Variants in ABCA9 observed in about 807,000 individuals in gnomAD.
ABCA9 encodes ATP-binding cassette sub-family A member 9.
ABCA9 carries 183 observed loss-of-function variants against 205.3 expected under a neutral mutation model. The observed-to-expected ratio is 0.89, with a 90% CI of 0.79 to 1.01. The LOEUF (loss-of-function observed/expected upper bound fraction) is 1.01, where lower values mean the gene tolerates loss of function less well. Among genes scored for constraint, ABCA9 ranks in the 50% least tolerant of loss-of-function variants. The pLI is 0.00. For missense variants in ABCA9, 1,805 were observed against 1,912.4 expected, an observed-to-expected ratio of 0.94 and a Z score of 1.05; for synonymous variants, 651 against 683.3, an observed-to-expected ratio of 0.95 and a Z score of 0.74.
intron 12 of ABCA9, among the ~76,000 whole-genome samples, 154 bp downstream of exon 12, chr17:69,028,381 G>A (rs1378521708): frequency 6.6e-6 from 1 of 152,100 alleles, no homozygotes; most frequent in Non-Finnish European, 1.5e-5. Context: ...TGGCCAGGAT[G>A]GTCTCCATCT....
At position 69,026,446 on chromosome 17, in the gene ABCA9, T is replaced by C. The variant is rs2070988704; in HGVS notation, c.2072A>G (p.Asn691Ser). The C allele has an allele frequency of 1.2e-6, 2 of 1,613,724 alleles. No homozygotes were observed. ...ILADRKVFIS[N>S]GKLKCAGSSL... The stretch of plus-strand genomic sequence containing the variant: ...AGAGCCTGCACACTTCAGCTTCCCA[T>C]TGGATATGAACACCTTCCTGTCTAG... Residue 691 changes from asparagine (N) to serine (S), a missense_variant, in exon 16 of 39, where the codon AAT becomes AGT. Physicochemically the swap from Asn to Ser is conservative, Grantham distance 46. Coordinates refer to ENST00000340001, the MANE Select transcript of ABCA9 (RefSeq NM_080283.4).
At position 69,011,966 on chromosome 17, in the gene ABCA9, C is replaced by T; in HGVS notation, c.3147+10G>A. The T allele has an allele frequency of 6.3e-7, 1 of 1,589,782 alleles. No homozygotes were observed. Among genetic ancestry groups the T allele is most frequent in the South Asian group, 1.1e-5 (1 of 88,526 alleles). ...TATAAAAAACATGTGAAGACTTTAA[C>T]TCTTCTTACTTTGTAGTCACCAATG... On this transcript the variant is annotated intron_variant, in intron 23 of 38. Transcript: ENST00000340001.
At chr17:69,029,103 GA>G in intron 11 of ABCA9, 65 bp downstream of exon 11, 1 of 959,790 alleles carries the variant, frequency 1.0e-6, no homozygotes. Flanking sequence ...TCCCTACCAA[GA>G]AATTACAACA....
chr17:69,026,433 C>G lies in ABCA9; in HGVS notation c.2085G>C (p.Lys695Asn). The G allele has an allele frequency of 6.2e-7, 1 of 1,613,896 alleles. No individual in the cohort carries two copies. Among genetic ancestry groups the G allele is most frequent in the Non-Finnish European group, 8.5e-7 (1 of 1,179,836 alleles). Residue 695 changes from lysine (K) to asparagine (N), a missense_variant, in exon 16 of 39, where the codon AAG becomes AAC. Transcript: ENST00000340001. ...RKVFISNGKL[K>N]CAGSSLFLKK... ...TAAGGAACAGAGAAGAGCCTGCACACTTCAGCTTCCCATTGGATATGAACA... is the reference window on the plus strand; with the variant it reads ...TAAGGAACAGAGAAGAGCCTGCACAGTTCAGCTTCCCATTGGATATGAACA...
At chr17:68,976,270 C>G (rs751285933) in intron 37 of ABCA9, 80 bp from the exon 38 acceptor site, 1 of 1,137,548 alleles carries the variant, frequency 8.8e-7, no homozygotes, top group Non-Finnish European at 1.3e-6. Context: ...AAAATACATA[C>G]AAGTAGATCT....
At chr17:68,989,689 G>A in intron 30 of ABCA9, 124 bp downstream of exon 30, 1 of 607,014 alleles carries the variant, frequency 1.6e-6, no homozygotes, top group Non-Finnish European at 2.9e-6. Context: ...CTTTTAAGCA[G>A]GAGGAGCAGG....
At chr17:69,075,011 AT>A in the ABCA9 span, among the ~76,000 whole-genome samples, 1 of 151,938 alleles carries the variant, frequency 6.6e-6, no homozygotes, top group East Asian at 1.9e-4. Context: ...AATGTTGAGC[AT>A]TTTTTCATGT....
intron 1 of ABCA9, among the ~76,000 whole-genome samples, chr17:69,059,403 C>G (rs945211872): frequency 1.3e-5 from 2 of 151,932 alleles, no homozygotes; most frequent in South Asian, 2.1e-4. Context: ...GGGAGGCAGA[C>G]AAGATCAGAG....
At chr17:68,997,717 T>C (rs1483655628) in intron 25 of ABCA9, among the ~76,000 whole-genome samples, 1 of 151,864 alleles carries the variant, frequency 6.6e-6, no homozygotes, top group Non-Finnish European at 1.5e-5. Flanking sequence ...ACTGCCCTCA[T>C]ACAGGCACAG....
intron 6 of ABCA9, among the ~76,000 whole-genome samples, chr17:69,038,221 G>A (rs1246989876): frequency 6.6e-6 from 1 of 152,112 alleles, no homozygotes; most frequent in Non-Finnish European, 1.5e-5. Context: ...ATTTTATGAG[G>A]CCAGCATCAT....
At position 69,018,492 on chromosome 17, in the gene ABCA9, C is replaced by G. The variant is rs2070710691; in HGVS notation, c.2688G>C (p.Leu896=). Residue 896 remains leucine (L), a synonymous_variant, in exon 20 of 39, where the codon CTG becomes CTC. Transcript: ENST00000340001. The stretch of plus-strand genomic sequence containing the variant: ...GTGAGAGGAAGTATGTATTTGGAGA[C>G]AGTTCCCACGGGTAACTTTTCTGAT... ...ESYQKSYPWE[L]SPNTYFLSPG... 2 of 1,608,228 alleles carry G rather than the reference C, an allele frequency of 1.2e-6. No individual in the cohort carries two copies. The highest frequency in any genetic ancestry group is 8.5e-7 in the Non-Finnish European group (1 of 1,177,478).
At position 69,017,795 on chromosome 17, in the gene ABCA9, T is replaced by C. The variant is rs772202287; in HGVS notation, c.2768-6A>G. ...AAAGTTATCAATGGTTGACCCTACA[T>C]GAAGGCAAAGATTAAAGGAAGCAAA... On this transcript the variant is annotated splice_region_variant and splice_polypyrimidine_tract_variant and intron_variant, in intron 20 of 38. Transcript: ENST00000340001. 3.1e-6 allele frequency: 5 copies of C among 1,611,508 alleles called. No individual in the cohort carries two copies. The East Asian group carries it at 1.1e-4, about 36-fold the overall frequency.
intron 1 of ABCA9, among the ~76,000 whole-genome samples, chr17:69,057,246 A>G (rs1257537765): frequency 6.6e-6 from 1 of 152,234 alleles, no homozygotes; most frequent in Non-Finnish European, 1.5e-5. Context: ...CCTTGAAGGT[A>G]CTTAAACAGA....
chr17:69,010,826 A>T (rs945401397), intron 23 of ABCA9, among the ~76,000 whole-genome samples: 1 of 152,200 alleles, frequency 6.6e-6, no homozygotes, highest in African/African-American at 2.4e-5. Context: ...GATAATGCGA[A>T]AATTTTATGC....
At chr17:69,018,812 T>C (rs1002251490) in intron 19 of ABCA9, among the ~76,000 whole-genome samples, 6 of 152,092 alleles carry the variant, frequency 3.9e-5, no homozygotes, top group Non-Finnish European at 7.4e-5. Context: ...TTCGGGTTTA[T>C]GAAGTCTGTG....
intron 11 of ABCA9, among the ~76,000 whole-genome samples, chr17:69,028,918 T>A (rs2071077568): frequency 6.6e-6 from 1 of 152,158 alleles, no homozygotes; most frequent in African/African-American, 2.4e-5. Flanking sequence ...GAGAATAAGA[T>A]GAGCTGAAAC....
intron 25 of ABCA9, among the ~76,000 whole-genome samples, chr17:69,005,081 T>C (rs1323347172): frequency 1.3e-5 from 2 of 152,288 alleles, no homozygotes. Context: ...TCACCCGTCT[T>C]CTGCGTCGCT....
chr17:68,976,528 G>C (rs1442222747), intron 37 of ABCA9, among the ~76,000 whole-genome samples: 1 of 152,164 alleles, frequency 6.6e-6, no homozygotes, highest in Non-Finnish European at 1.5e-5. Flanking sequence ...CTACTCCAAA[G>C]GCTGATGTAA....
intron 6 of ABCA9, among the ~76,000 whole-genome samples, chr17:69,037,285 C>T (rs1174291093): frequency 6.6e-6 from 1 of 152,168 alleles, no homozygotes; most frequent in Non-Finnish European, 1.5e-5. Context: ...CCACATAGCA[C>T]TTATTCTAAA....
Sources: gnomAD v4.1 joint callset for allele counts (sites outside exome capture counted in the v4.1 genomes callset) on GRCh38, gnomAD v4.1.1 for gene constraint, MANE v1.5 for transcripts, NCBI Gene and HGNC (gene_info 2026-07-23, HGNC 2026-07-21) for gene names.